Variants in DNAH12 observed in about 807,000 individuals in gnomAD.
DNAH12 encodes axonemal beta dynein heavy chain 12.
A neutral mutation model predicts 371.5 loss-of-function variants in DNAH12; 285 were observed. The observed-to-expected ratio is 0.77, with a 90% CI of 0.70 to 0.85. The LOEUF (loss-of-function observed/expected upper bound fraction) is 0.85. DNAH12 is among the 40% of genes least tolerant of loss of function. DNAH12 has a pLI of 0.00. For synonymous variants in DNAH12, 1,200 were observed against 1,213.0 expected (o/e 0.99, Z 0.22); for missense variants, 3,611 against 3,689.4 (o/e 0.98, Z 0.55).
At chr3:57,470,797 C>G (rs1033997742) in intron 15 of DNAH12, among the ~76,000 whole-genome samples, 161 bp from the exon 16 acceptor site, 1 of 152,112 alleles carries the variant, frequency 6.6e-6, no homozygotes, top group African/African-American at 2.4e-5. Flanking sequence ...ACCTCTGCCC[C>G]GCTGGTTCAA....
At chr3:57,506,715 T>C (rs2067772307) in intron 8 of DNAH12, among the ~76,000 whole-genome samples, 1 of 152,144 alleles carries the variant, frequency 6.6e-6, no homozygotes, top group Admixed American at 6.6e-5. Context: ...GTGCTGGTAT[T>C]AGAGGTGTGA....
intron 70 of DNAH12, among the ~76,000 whole-genome samples, chr3:57,298,253 T>G (rs1429877541): frequency 1.3e-5 from 2 of 152,322 alleles, no homozygotes; most frequent in Non-Finnish European, 2.9e-5. Flanking sequence ...AGTGACTGAT[T>G]CAGAAATGGA....
At chr3:57,451,043 T>G (rs900778645) in intron 25 of DNAH12, among the ~76,000 whole-genome samples, 5 of 152,246 alleles carry the variant, frequency 3.3e-5, no homozygotes, top group Non-Finnish European at 7.3e-5. Flanking sequence ...CAGAGTGCCC[T>G]GTGAGAGCAG....
intron 11 of DNAH12, among the ~76,000 whole-genome samples, chr3:57,496,826 G>A (rs1448001015): frequency 6.6e-6 from 1 of 152,074 alleles, no homozygotes; most frequent in Non-Finnish European, 1.5e-5. Context: ...AAAATTAGTT[G>A]GGTGTGGTGG....
intron 60 of DNAH12, among the ~76,000 whole-genome samples, chr3:57,348,309 C>A: frequency 6.6e-6 from 1 of 152,174 alleles, no homozygotes; most frequent in African/African-American, 2.4e-5. Context: ...AATGACAAAA[C>A]TAAACCATGG....
In DNAH12 at chr3:57,542,820, G is replaced by C. The variant is rs1344959419; in HGVS notation, c.51C>G (p.Asn17Lys). 1 of 1,604,690 alleles carries C rather than the reference G, an allele frequency of 6.2e-7. No homozygotes were observed. The highest frequency in any genetic ancestry group is 8.5e-7 in the Non-Finnish European group (1 of 1,177,504). Reference sequence around the variant, plus strand: ...GATGGACAATGGGGGGTAACTTCAAGTTCAGAGCTTCCTTTTCTGCTGCAA... The same window carrying C: ...GATGGACAATGGGGGGTAACTTCAACTTCAGAGCTTCCTTTTCTGCTGCAA... Reference protein sequence around the residue: ...AAIAAEKEALNLKLPPIVHLP... With the variant: ...AAIAAEKEALKLKLPPIVHLP... Residue 17 changes from asparagine to lysine, a missense_variant, in exon 2 of 74, where the codon AAC (asparagine) becomes AAG (lysine). Transcript: ENST00000495027.
intron 2 of DNAH12, among the ~76,000 whole-genome samples, chr3:57,524,830 C>T (rs1230299499): frequency 6.6e-6 from 1 of 152,072 alleles, no homozygotes; most frequent in Non-Finnish European, 1.5e-5. Flanking sequence ...TCGTTCAATC[C>T]ACCCAAAGGT....
At chr3:57,323,322 T>C (rs574905143) in intron 63 of DNAH12, 62 bp from the exon 64 acceptor site, 217 of 1,501,862 alleles carry the variant, frequency 1.4e-4, no homozygotes, top group Non-Finnish European at 1.8e-4. Context: ...AAGTGCCTTA[T>C]GTATAGGTGT....
At chr3:57,397,800 T>C (rs1318455062) in intron 43 of DNAH12, among the ~76,000 whole-genome samples, 3 of 152,140 alleles carry the variant, frequency 2.0e-5, no homozygotes, top group Non-Finnish European at 4.4e-5. Context: ...GCTAGGTTGA[T>C]TGGTGAAGAT....
chr3:57,363,048 A>T (rs2153330049), intron 58 of DNAH12, among the ~76,000 whole-genome samples: 1 of 152,268 alleles, frequency 6.6e-6, no homozygotes, highest in African/African-American at 2.4e-5. Context: ...TTTTTGTATA[A>T]GGTATAAGGG....
intron 55 of DNAH12, among the ~76,000 whole-genome samples, 163 bp from the exon 56 acceptor site, chr3:57,368,423 T>G (rs1187849311): frequency 1.4e-5 from 2 of 145,028 alleles, no homozygotes; most frequent in Non-Finnish European, 3.1e-5. Context: ...TGAAAAGGAG[T>G]TTTTTTTTTT....
At chr3:57,405,262 G>T in intron 41 of DNAH12, 115 bp from the exon 42 acceptor site, 3 of 906,594 alleles carry the variant, frequency 3.3e-6, no homozygotes, top group South Asian at 2.0e-5. Flanking sequence ...AAACATTAGG[G>T]TAGTAAAAAA....
chr3:57,432,670 AAT>A (rs897729465), intron 32 of DNAH12, among the ~76,000 whole-genome samples: 5 of 152,204 alleles, frequency 3.3e-5, no homozygotes, highest in African/African-American at 7.2e-5. Context: ...AACACTGAAG[AAT>A]ATGATTCCAA....
chr3:57,342,484 CA>C (rs71088060), intron 60 of DNAH12, among the ~76,000 whole-genome samples: 2,226 of 66,010 alleles, frequency 0.034, 34 homozygotes, highest in Admixed American at 0.089. Flanking sequence ...ACTAAAAATA[CA>C]AAAAAAAAAA....
At chr3:57,401,598 G>A (rs1294692446) in intron 43 of DNAH12, among the ~76,000 whole-genome samples, 23 of 140,906 alleles carry the variant, frequency 1.6e-4, no homozygotes, top group Middle Eastern at 3.7e-3. Flanking sequence ...AGAAGAAGAA[G>A]AAAGACATAA....
chr3:57,350,751 C>G (rs1197270615), intron 60 of DNAH12, among the ~76,000 whole-genome samples: 1 of 152,074 alleles, frequency 6.6e-6, no homozygotes, highest in Non-Finnish European at 1.5e-5. Flanking sequence ...ATACAATTGT[C>G]AAGGGATTTG....
chr3:57,442,913 G>A (rs1038724601), intron 29 of DNAH12, among the ~76,000 whole-genome samples: 15 of 152,244 alleles, frequency 9.9e-5, no homozygotes, highest in Admixed American at 2.0e-4. Context: ...CAGTCATATC[G>A]TAAAGAGAAG....
intron 39 of DNAH12, among the ~76,000 whole-genome samples, chr3:57,409,384 C>A (rs2064135145): frequency 6.6e-6 from 1 of 151,904 alleles, no homozygotes; most frequent in Non-Finnish European, 1.5e-5. Flanking sequence ...AGAAGACCAG[C>A]TAAGTAAATT....
intron 1 of DNAH12, 70 bp from the exon 2 acceptor site, chr3:57,542,973 A>G: frequency 8.7e-7 from 1 of 1,153,200 alleles, no homozygotes; most frequent in Non-Finnish European, 1.2e-6. Flanking sequence ...CATATCTAAC[A>G]TATCAATACC....
Sources: allele counts gnomAD v4.1 joint callset (sites outside exome capture counted in the v4.1 genomes callset), GRCh38; gene constraint gnomAD v4.1.1; transcripts MANE v1.5; gene names NCBI Gene and HGNC (gene_info 2026-07-23, HGNC 2026-07-21).